Variants in GRID2 observed in about 807,000 individuals in gnomAD.
GRID2 encodes the protein glutamate receptor ionotropic, delta-2.
In GRID2, 33 loss-of-function variants were observed where a neutral mutation model predicts 114.8. The observed-to-expected ratio is 0.29, with a 90% confidence interval of 0.22 to 0.38. The LOEUF is 0.38. Among genes scored for constraint, GRID2 ranks in the 10% least tolerant of loss-of-function variants. GRID2 has a pLI of 1.00. For synonymous variants in GRID2, 505 were observed against 449.9 expected, an observed-to-expected ratio of 1.12 and a Z score of -1.55; for missense variants, 1,184 against 1,257.7, an observed-to-expected ratio of 0.94 and a Z score of 0.89.
At chr4:93,020,891 G>T (rs925749145) in intron 2 of GRID2, among the ~76,000 whole-genome samples, 2 of 151,956 alleles carry the variant, frequency 1.3e-5, no homozygotes, top group African/African-American at 4.8e-5. Flanking sequence ...AATTAGCCGG[G>T]CATGGTGGCG....
At chr4:93,126,653 A>C (rs891896246) in intron 4 of GRID2, among the ~76,000 whole-genome samples, 2 of 115,062 alleles carry the variant, frequency 1.7e-5, no homozygotes, top group African/African-American at 7.0e-5. Context: ...GCTGGAGTGC[A>C]GTGGCGCGAT....
chr4:92,352,421 C>T (rs942751856), intron 1 of GRID2, among the ~76,000 whole-genome samples: 1 of 151,246 alleles, frequency 6.6e-6, no homozygotes, highest in Non-Finnish European at 1.5e-5. Flanking sequence ...ATATTAATCC[C>T]TTGTCAGGTG....
intron 2 of GRID2, among the ~76,000 whole-genome samples, chr4:92,605,817 GT>G (rs932487842): frequency 6.6e-6 from 1 of 152,042 alleles, no homozygotes; most frequent in Admixed American, 6.6e-5. Context: ...TTACTTGTGA[GT>G]TTTTTACCTA....
At chr4:92,437,863 G>A (rs1732814885) in intron 1 of GRID2, among the ~76,000 whole-genome samples, 1 of 152,190 alleles carries the variant, frequency 6.6e-6, no homozygotes, top group Non-Finnish European at 1.5e-5. Context: ...AAATTGCTTA[G>A]ATGTTTTGTT....
intron 14 of GRID2, among the ~76,000 whole-genome samples, chr4:93,650,457 A>G (rs1722488095): frequency 6.6e-6 from 1 of 152,166 alleles, no homozygotes; most frequent in East Asian, 1.9e-4. Flanking sequence ...CTGAAATTTG[A>G]AAGTCTTGGA....
At chr4:92,785,091 A>G (rs1739255282) in intron 2 of GRID2, among the ~76,000 whole-genome samples, 1 of 140,816 alleles carries the variant, frequency 7.1e-6, no homozygotes, top group Non-Finnish European at 1.5e-5. Context: ...TTTTTTTTTT[A>G]ACAACTGACA....
chr4:92,848,292 A>C (rs1411132317), intron 2 of GRID2, among the ~76,000 whole-genome samples: 2 of 151,416 alleles, frequency 1.3e-5, no homozygotes, highest in East Asian at 3.9e-4. Flanking sequence ...GCTTGACTTA[A>C]TGTAGAGACA....
chr4:92,450,396 G>A (rs1326035329), intron 1 of GRID2, among the ~76,000 whole-genome samples: 1 of 151,952 alleles, frequency 6.6e-6, no homozygotes, highest in African/African-American at 2.4e-5. Context: ...GACCTCGAAG[G>A]AACAGAGAAA....
At chr4:93,228,947 C>A (rs770732092) in intron 7 of GRID2, among the ~76,000 whole-genome samples, 1 of 151,882 alleles carries the variant, frequency 6.6e-6, no homozygotes, top group African/African-American at 2.4e-5. Flanking sequence ...AATTTATAAC[C>A]AAAACAATTA....
At chr4:92,455,287 G>C (rs1288992463) in intron 1 of GRID2, among the ~76,000 whole-genome samples, 1 of 152,016 alleles carries the variant, frequency 6.6e-6, no homozygotes, top group Non-Finnish European at 1.5e-5. Context: ...CTAAGTGCCG[G>C]GTGGACAACA....
rs59397408 is a variant in GRID2, at chr4:93,578,587, A to ATTTTTTTTTTTT, written c.2194-47669_2194-47658dup. 2.6e-3 allele frequency among the ~76,000 whole-genome samples: 219 copies of ATTTTTTTTTTTT among 83,914 alleles called. 19 individuals are homozygous for ATTTTTTTTTTTT. The highest frequency in any genetic ancestry group is 0.011 in the African/African-American group (207 of 19,306). 55.1% of individuals were successfully genotyped at this position (83,914 alleles called of 152,430 possible). A position where few individuals can be genotyped will look rare whatever the true frequency, so the allele number is the denominator to read the frequency against. On this transcript the variant is annotated intron_variant, in intron 13 of 15. Transcript: ENST00000282020. ...AAAAGAACCTTGTCTTGTTTTTTGT[A>ATTTTTTTTTTTT]TTTTTTTTTTTTTTTTTTTTTTTTG...
At chr4:93,708,882 G>T (rs1323514224) in intron 14 of GRID2, among the ~76,000 whole-genome samples, 1 of 150,970 alleles carries the variant, frequency 6.6e-6, no homozygotes, top group Admixed American at 6.6e-5. Flanking sequence ...TTGATTTAAG[G>T]TTATCATGAG....
intron 7 of GRID2, among the ~76,000 whole-genome samples, chr4:93,228,526 T>A (rs1239013242): frequency 3.3e-5 from 5 of 152,168 alleles, no homozygotes; most frequent in Non-Finnish European, 5.9e-5. Context: ...CCAAGGATAA[T>A]TTTAATGAGA....
At chr4:92,446,040 G>A (rs1733447987) in intron 1 of GRID2, among the ~76,000 whole-genome samples, 1 of 152,124 alleles carries the variant, frequency 6.6e-6, no homozygotes, top group Admixed American at 6.5e-5. Context: ...CTGCTTCCCG[G>A]GTTCAAGCGA....
At chr4:92,345,230 C>T (rs1727704835) in intron 1 of GRID2, among the ~76,000 whole-genome samples, 1 of 152,172 alleles carries the variant, frequency 6.6e-6, no homozygotes, top group African/African-American at 2.4e-5. Flanking sequence ...CATACCCGAG[C>T]TACTTCACTT....
intron 14 of GRID2, among the ~76,000 whole-genome samples, chr4:93,644,498 T>A (rs1027895360): frequency 1.3e-5 from 2 of 152,184 alleles, no homozygotes; most frequent in African/African-American, 4.8e-5. Context: ...AAAATTTTTG[T>A]TCTGATGATT....
At chr4:93,466,371 CAG>C in intron 11 of GRID2, among the ~76,000 whole-genome samples, 1 of 152,272 alleles carries the variant, frequency 6.6e-6, no homozygotes, top group South Asian at 2.1e-4. Flanking sequence ...AAGGGCAAGA[CAG>C]AGGTAGAAGA....
chr4:93,146,766 A>G (rs1341917740), intron 4 of GRID2, among the ~76,000 whole-genome samples: 1 of 152,180 alleles, frequency 6.6e-6, no homozygotes, highest in Non-Finnish European at 1.5e-5. Context: ...AATGTTTTGT[A>G]ATGCTTGTTC....
intron 2 of GRID2, among the ~76,000 whole-genome samples, chr4:92,919,983 T>C (rs1200030435): frequency 6.6e-6 from 1 of 152,214 alleles, no homozygotes; most frequent in Non-Finnish European, 1.5e-5. Flanking sequence ...TGTGGGAGTG[T>C]AAGTCTCTTT....
Sources: gnomAD v4.1 joint callset for allele counts (sites outside exome capture counted in the v4.1 genomes callset) on GRCh38, gnomAD v4.1.1 for gene constraint, MANE v1.5 for transcripts, NCBI Gene and HGNC (gene_info 2026-07-23, HGNC 2026-07-21) for gene names.